The following KIAA1328 variants were observed in gnomAD, a reference collection of about 807,000 sequenced individuals.
The protein encoded by KIAA1328 is protein hinderin.
KIAA1328 carries 52 observed loss-of-function variants against 68.1 expected under a neutral mutation model. That is an observed-to-expected ratio of 0.76 (90% CI 0.61 to 0.96). KIAA1328 has a LOEUF of 0.96. Ranked by LOEUF, KIAA1328 falls within the 40% of genes least tolerant of loss-of-function variation. The pLI, the probability that KIAA1328 is intolerant of heterozygous loss-of-function variation, is 0.00. For synonymous variants in KIAA1328, 232 were observed against 239.4 expected (o/e 0.97, Z 0.28); for missense variants, 641 against 677.6 (o/e 0.95, Z 0.60).
intron 6 of KIAA1328, among the ~76,000 whole-genome samples, chr18:36,998,990 CA>C (rs2053494070): frequency 1.3e-5 from 2 of 151,952 alleles, no homozygotes; most frequent in Non-Finnish European, 2.9e-5. Flanking sequence ...TAAAGAGGCT[CA>C]GTAAGTACAA....
intron 8 of KIAA1328, among the ~76,000 whole-genome samples, chr18:37,167,205 T>C (rs2059406757): frequency 6.6e-6 from 1 of 151,870 alleles, no homozygotes; most frequent in African/African-American, 2.4e-5. Context: ...TGTCTAGGGG[T>C]AGATGTTTAC....
Position 37,067,553 on chromosome 18 carries a change from C to G in KIAA1328, c.1232+8C>G. 6.8e-7 allele frequency: 1 copy of G among 1,463,906 alleles called. No individual in the cohort carries two copies. The highest frequency in any genetic ancestry group is 1.9e-4 in the Middle Eastern group (1 of 5,136). 90.7% of individuals were successfully genotyped at this position (1,463,906 alleles called of 1,614,324 possible). On this transcript the variant is annotated splice_region_variant and intron_variant, in intron 7 of 9. Coordinates refer to ENST00000280020, the MANE Select transcript of KIAA1328 (RefSeq NM_020776.3). ...TCGACTGGATTACAATTGGTGAGTA[C>G]TGCCTGTTCTTTTTTTTTTTTTTTT...
intron 5 of KIAA1328, among the ~76,000 whole-genome samples, chr18:36,902,795 C>T (rs569886799): frequency 6.6e-6 from 1 of 152,082 alleles, no homozygotes; most frequent in African/African-American, 2.4e-5. Flanking sequence ...TGAGCTCCAC[C>T]TATTCTACAA....
At chr18:37,134,155 A>C (rs920016647) in intron 7 of KIAA1328, among the ~76,000 whole-genome samples, 5 of 152,124 alleles carry the variant, frequency 3.3e-5, no homozygotes, top group Middle Eastern at 3.4e-3. Context: ...CTGGGATTAC[A>C]GGCACGCGCC....
At chr18:36,970,183 A>G (rs1283484777) in intron 6 of KIAA1328, among the ~76,000 whole-genome samples, 5 of 152,232 alleles carry the variant, frequency 3.3e-5, no homozygotes, top group Admixed American at 2.6e-4. Flanking sequence ...AATCCATCAC[A>G]TAAATGAACC....
intron 4 of KIAA1328, among the ~76,000 whole-genome samples, chr18:36,853,853 T>C (rs927050052): frequency 2.0e-5 from 3 of 152,116 alleles, no homozygotes; most frequent in Non-Finnish European, 4.4e-5. Context: ...AGACGAGGTT[T>C]CACCAGGTTA....
chr18:36,987,534 T>C (rs1351308497), intron 6 of KIAA1328, among the ~76,000 whole-genome samples: 1 of 151,698 alleles, frequency 6.6e-6, no homozygotes, highest in Non-Finnish European at 1.5e-5. Flanking sequence ...AAATTTAGGC[T>C]TAGCAGACTA....
chr18:36,956,249 T>C (rs1278880000), intron 5 of KIAA1328, among the ~76,000 whole-genome samples: 1 of 152,238 alleles, frequency 6.6e-6, no homozygotes, highest in Non-Finnish European at 1.5e-5. Flanking sequence ...CATGAAGACT[T>C]ATTTCTTTGA....
At chr18:36,910,219 T>TTA (rs2049383843) in intron 5 of KIAA1328, among the ~76,000 whole-genome samples, 1 of 152,138 alleles carries the variant, frequency 6.6e-6, no homozygotes, top group Admixed American at 6.5e-5. Context: ...TGAATGGTAT[T>TTA]GCCTAGGTTT....
intron 9 of KIAA1328, among the ~76,000 whole-genome samples, chr18:37,191,843 A>G (rs190736520): frequency 2.2e-4 from 33 of 152,318 alleles, no homozygotes. Flanking sequence ...CTTATCAACA[A>G]GGGGAGTGAG....
intron 5 of KIAA1328, among the ~76,000 whole-genome samples, chr18:36,938,676 AT>A (rs1299503307): frequency 1.3e-5 from 2 of 152,034 alleles, no homozygotes; most frequent in Non-Finnish European, 2.9e-5. Flanking sequence ...CCAACAGAGA[AT>A]TTCCTCTATG....
intron 7 of KIAA1328, among the ~76,000 whole-genome samples, chr18:37,123,225 T>C (rs1049187265): frequency 6.6e-6 from 1 of 152,208 alleles, no homozygotes; most frequent in African/African-American, 2.4e-5. Flanking sequence ...GAATGTCTTA[T>C]TCTACTCTTA....
chr18:37,025,487 A>G (rs1480148000), intron 6 of KIAA1328, among the ~76,000 whole-genome samples: 2 of 152,204 alleles, frequency 1.3e-5, no homozygotes, highest in Non-Finnish European at 2.9e-5. Flanking sequence ...AGCACTCCTC[A>G]GCAAATGTAA....
At chr18:37,152,991 C>T (rs2059070416) in intron 7 of KIAA1328, among the ~76,000 whole-genome samples, 1 of 152,142 alleles carries the variant, frequency 6.6e-6, no homozygotes, top group South Asian at 2.1e-4. Flanking sequence ...CTTTACTTTT[C>T]TTTGTCAACC....
intron 4 of KIAA1328, among the ~76,000 whole-genome samples, chr18:36,844,956 G>T (rs1241738488): frequency 6.6e-6 from 1 of 151,670 alleles, no homozygotes; most frequent in East Asian, 1.9e-4. Flanking sequence ...GTTGATAAAA[G>T]TTGATAAAAT....
chr18:37,193,786 AT>A (rs947823239), intron 9 of KIAA1328: 2 of 612,816 alleles, frequency 3.3e-6, no homozygotes, highest in Admixed American at 2.8e-5. Context: ...AAAAGAACAA[AT>A]TCATAGGGTA....
At chr18:36,927,272 A>G (rs942193074) in intron 5 of KIAA1328, among the ~76,000 whole-genome samples, 3 of 152,234 alleles carry the variant, frequency 2.0e-5, no homozygotes, top group Non-Finnish European at 2.9e-5. Context: ...GAATAAGGGT[A>G]TATGGGAACT....
intron 5 of KIAA1328, among the ~76,000 whole-genome samples, chr18:36,938,984 A>T (rs1268817958): frequency 6.6e-6 from 1 of 151,962 alleles, no homozygotes; most frequent in East Asian, 1.9e-4. Flanking sequence ...TGCTGTTTTG[A>T]TTACTCTTGC....
intron 7 of KIAA1328, among the ~76,000 whole-genome samples, chr18:37,093,129 AATAT>A (rs1177487448): frequency 1.3e-5 from 2 of 152,188 alleles, no homozygotes; most frequent in Admixed American, 1.3e-4. Context: ...CAACACTATA[AATAT>A]ATTTATAGAA....
Sources: gnomAD v4.1 joint callset for allele counts (sites outside exome capture counted in the v4.1 genomes callset) on GRCh38, gnomAD v4.1.1 for gene constraint, MANE v1.5 for transcripts, NCBI Gene and HGNC (gene_info 2026-07-23, HGNC 2026-07-21) for gene names.